CORO2B: variants seen among roughly 807,000 people sequenced by gnomAD.
CORO2B encodes coronin 2B, also known as coronin-2B.
CORO2B carries 26 observed loss-of-function variants against 58.8 expected under a neutral mutation model. The observed-to-expected ratio is 0.44, with a 90% confidence interval of 0.32 to 0.61. The LOEUF is 0.61. CORO2B is among the 20% of genes least tolerant of loss of function. CORO2B has a pLI of 0.04. For missense variants in CORO2B, 460 were observed against 645.1 expected (o/e 0.71, Z 3.11); for synonymous variants, 242 against 253.8 (o/e 0.95, Z 0.44).
the CORO2B span, among the ~76,000 whole-genome samples, chr15:68,534,425 A>G: frequency 1.0e-3 from 153 of 152,334 alleles, no homozygotes; most frequent in African/African-American, 3.6e-3. Flanking sequence ...TGCCCTAAAC[A>G]TCTTCATAGT....
At chr15:68,694,652 C>T (rs1276903105) in intron 2 of CORO2B, among the ~76,000 whole-genome samples, 1 of 152,190 alleles carries the variant, frequency 6.6e-6, no homozygotes, top group Non-Finnish European at 1.5e-5. Flanking sequence ...AAAGAGCCTC[C>T]TCCTGATCCA....
chr15:68,598,548 A>G (rs1357671939), intron 1 of CORO2B, among the ~76,000 whole-genome samples: 1 of 152,074 alleles, frequency 6.6e-6, no homozygotes, highest in Non-Finnish European at 1.5e-5. Flanking sequence ...CACACCCTAG[A>G]CTAGAGAAGC....
chr15:68,671,902 A>G (rs1047138860), intron 2 of CORO2B, among the ~76,000 whole-genome samples: 4 of 152,194 alleles, frequency 2.6e-5, no homozygotes, highest in African/African-American at 9.6e-5. Context: ...AGGAGGTGAG[A>G]TTACAGGAGA....
At chr15:68,550,339 A>G in the CORO2B span, among the ~76,000 whole-genome samples, 3 of 152,188 alleles carry the variant, frequency 2.0e-5, no homozygotes, top group African/African-American at 7.2e-5. Context: ...CGTTTTGGCA[A>G]GTAGCTCACC....
intron 2 of CORO2B, among the ~76,000 whole-genome samples, chr15:68,672,931 C>T (rs894616266): frequency 5.9e-5 from 9 of 152,216 alleles, no homozygotes; most frequent in Admixed American, 6.5e-5. Flanking sequence ...GGATCAGATG[C>T]GCCTAATGGG....
intron 3 of CORO2B, among the ~76,000 whole-genome samples, chr15:68,698,925 C>T (rs1892577017): frequency 6.6e-6 from 1 of 152,066 alleles, no homozygotes; most frequent in Admixed American, 6.6e-5. Flanking sequence ...CCACCAAGGT[C>T]AAGCAAAGGG....
the CORO2B span, among the ~76,000 whole-genome samples, chr15:68,537,433 T>C: frequency 6.6e-6 from 1 of 152,238 alleles, no homozygotes; most frequent in Non-Finnish European, 1.5e-5. Flanking sequence ...AGCCCATGGC[T>C]GTAGTAGGTC....
chr15:68,623,538 C>A (rs990470299), intron 1 of CORO2B, among the ~76,000 whole-genome samples: 1 of 151,768 alleles, frequency 6.6e-6, no homozygotes, highest in African/African-American at 2.4e-5. Context: ...AGGTCAGCCT[C>A]TCCCGCCCTG....
intron 1 of CORO2B, among the ~76,000 whole-genome samples, chr15:68,627,590 G>A (rs541150428): frequency 2.0e-5 from 3 of 152,174 alleles, no homozygotes; most frequent in Non-Finnish European, 4.4e-5. Flanking sequence ...GGAGCTCGTG[G>A]GAGAGGAGAC....
chr15:68,600,858 G>A (rs1899963534), intron 1 of CORO2B, among the ~76,000 whole-genome samples: 2 of 152,208 alleles, frequency 1.3e-5, no homozygotes, highest in African/African-American at 2.4e-5. Context: ...GGAGGAAGGT[G>A]AGGAGGGAGA....
chr15:68,592,368 T>G (rs755383170), intron 1 of CORO2B, among the ~76,000 whole-genome samples: 1 of 152,124 alleles, frequency 6.6e-6, no homozygotes, highest in African/African-American at 2.4e-5. Context: ...TCTATTTCAT[T>G]GGGAGAGCCC....
chr15:68,707,544 T>G (rs968519283), intron 3 of CORO2B, among the ~76,000 whole-genome samples: 3 of 152,214 alleles, frequency 2.0e-5, no homozygotes, highest in African/African-American at 7.2e-5. Context: ...CAGATGCCTC[T>G]CTGGCCACTT....
rs1382293359 is a variant in CORO2B at position 68,579,241 on chromosome 15, C to A, written c.-22C>A. Reference sequence around the variant, plus strand: ...CCCCCGCACGCCGCGCCCGCGCCCCCGCTCCGCCGCGGAGTTTCTGCATGA... The same window carrying A: ...CCCCCGCACGCCGCGCCCGCGCCCCAGCTCCGCCGCGGAGTTTCTGCATGA... On this transcript the variant is annotated 5_prime_UTR_variant, in exon 1 of 12. Coordinates refer to ENST00000261861, the MANE Select transcript of CORO2B (RefSeq NM_006091.5). 1 of 1,173,428 alleles carries A rather than the reference C, an allele frequency of 8.5e-7. No individual in the cohort carries two copies. 72.7% of individuals were successfully genotyped at this position (1,173,428 alleles called of 1,614,324 possible). A position where few individuals can be genotyped will look rare whatever the true frequency, so the allele number is the denominator to read the frequency against.
At chr15:68,519,102 C>T in the CORO2B span, among the ~76,000 whole-genome samples, 1 of 152,166 alleles carries the variant, frequency 6.6e-6, no homozygotes, top group Non-Finnish European at 1.5e-5. Context: ...GGAGCCCTTG[C>T]GGGTGGCAAA....
intron 3 of CORO2B, among the ~76,000 whole-genome samples, chr15:68,701,233 G>A (rs1182540453): frequency 6.6e-6 from 1 of 151,464 alleles, no homozygotes; most frequent in Non-Finnish European, 1.5e-5. Context: ...CCAGGCTCAG[G>A]AGTCCCTTAG....
At chr15:68,603,574 G>C (rs1163736915) in intron 1 of CORO2B, among the ~76,000 whole-genome samples, 1 of 152,068 alleles carries the variant, frequency 6.6e-6, no homozygotes, top group Non-Finnish European at 1.5e-5. Flanking sequence ...TTTGGAGACA[G>C]GGCCTTTAAA....
chr15:68,605,721 T>TG (rs1900098236), intron 1 of CORO2B, among the ~76,000 whole-genome samples: 1 of 126,866 alleles, frequency 7.9e-6, no homozygotes, highest in Non-Finnish European at 1.8e-5. Context: ...GTTTTTTTTT[T>TG]TTTTTTTTTT....
intron 2 of CORO2B, among the ~76,000 whole-genome samples, chr15:68,666,322 A>C (rs1902189229): frequency 6.6e-6 from 1 of 152,184 alleles, no homozygotes; most frequent in Admixed American, 6.5e-5. Flanking sequence ...TCCCTTTCCA[A>C]GGTGTCACGA....
chr15:68,667,514 G>A (rs74020270), intron 2 of CORO2B, among the ~76,000 whole-genome samples: 2,950 of 152,300 alleles, frequency 0.019, 99 homozygotes, highest in African/African-American at 0.068. Flanking sequence ...GGATCTTTTC[G>A]GACAGAGAAA....
Sources: gnomAD v4.1 joint callset for allele counts (sites outside exome capture counted in the v4.1 genomes callset) on GRCh38, gnomAD v4.1.1 for gene constraint, MANE v1.5 for transcripts, NCBI Gene and HGNC (gene_info 2026-07-23, HGNC 2026-07-21) for gene names.